PIBF1: variants seen among roughly 807,000 people sequenced by gnomAD.
PIBF1 encodes the protein progesterone-induced-blocking factor 1.
Under a neutral mutation model 112.5 loss-of-function variants are expected in PIBF1, and 90 were observed. The ratio of observed to expected loss-of-function variants is 0.80; its 90% CI spans 0.67 to 0.95. The LOEUF (loss-of-function observed/expected upper bound fraction) is 0.95, where lower values mean the gene tolerates loss of function less well. Among genes scored for constraint, PIBF1 ranks in the 40% least tolerant of loss-of-function variants. PIBF1 has a pLI of 0.00. For synonymous variants in PIBF1, 301 were observed against 288.6 expected (o/e 1.04, Z -0.44); for missense variants, 915 against 852.3 (o/e 1.07, Z -0.92).
At chr13:72,909,971 C>T (rs1212093554) in intron 12 of PIBF1, among the ~76,000 whole-genome samples, 1 of 152,086 alleles carries the variant, frequency 6.6e-6, no homozygotes, top group African/African-American at 2.4e-5. Flanking sequence ...ATGTTTGCTA[C>T]AGTACATTAT....
At chr13:73,014,581 T>A (rs1340646818) in intron 17 of PIBF1, among the ~76,000 whole-genome samples, 1 of 152,184 alleles carries the variant, frequency 6.6e-6, no homozygotes, top group Admixed American at 6.5e-5. Context: ...TGATAATATG[T>A]CAGTGTAGGT....
At chr13:72,911,707 A>T (rs1373787183) in intron 12 of PIBF1, among the ~76,000 whole-genome samples, 1 of 152,204 alleles carries the variant, frequency 6.6e-6, no homozygotes, top group Admixed American at 6.5e-5. Context: ...AAATAACCAC[A>T]ATTTTATATC....
In PIBF1 at chr13:73,016,097, C is replaced by T. The variant is rs1293612701; in HGVS notation, c.*178C>T. ...AAATGTGTAAAGAACAATCAATATACTTTATTTTTTTTTCTATTTTATAAA... is the reference window on the plus strand; with the variant it reads ...AAATGTGTAAAGAACAATCAATATATTTTATTTTTTTTTCTATTTTATAAA... On this transcript the variant is annotated 3_prime_UTR_variant, in exon 18 of 18. Transcript: ENST00000326291. 2 of 281,856 alleles carry T rather than the reference C, an allele frequency of 7.1e-6. No homozygotes were observed. The highest frequency in any genetic ancestry group is 1.3e-5 in the Non-Finnish European group (2 of 154,340). The allele number at this position is 281,856 out of a possible 1,614,324, so 17.5% of individuals were successfully genotyped here. A position where few individuals can be genotyped will look rare whatever the true frequency, so the allele number is the denominator to read the frequency against.
In PIBF1 at chr13:72,985,339, A is replaced by G. The variant is rs554090513; in HGVS notation, c.2049+11664A>G. Among the ~76,000 whole-genome samples the G allele has an allele frequency of 7.7e-3, 1,146 of 149,100 alleles. 13 individuals are homozygous for G. Among genetic ancestry groups the G allele is most frequent in the African/African-American group, 0.027 (1,077 of 40,562 alleles). ...TCAGGAGATCAAGACCATCCTGGCT[A>G]ACACGGTGAAACCCTGTCTCTACTA... On this transcript the variant is annotated intron_variant, in intron 16 of 17. Transcript: ENST00000326291.
rs778846193 is a variant in PIBF1, at chr13:72,826,992, T to C, written c.807-18T>C. On this transcript the variant is annotated intron_variant, in intron 6 of 17. Transcript: ENST00000326291. ...GGGATGTAAAATTTACATGTCTCTT[T>C]GAATTTTATTTTAACAGTGAACGTG... 2.7e-6 allele frequency: 4 copies of C among 1,492,378 alleles called. No individual in the cohort carries two copies. The Admixed American group carries it at 7.7e-5, about 29-fold the overall frequency. The allele number at this position is 1,492,378 out of a possible 1,614,324, so 92.4% of individuals were successfully genotyped here.
chr13:72,942,391 C>G (rs149033130), intron 14 of PIBF1, among the ~76,000 whole-genome samples: 1 of 151,234 alleles, frequency 6.6e-6, no homozygotes, highest in Non-Finnish European at 1.5e-5. Context: ...GACATACTTT[C>G]TTTTAGACTT....
chr13:72,888,484 A>G (rs1228558322), intron 10 of PIBF1, among the ~76,000 whole-genome samples: 3 of 152,120 alleles, frequency 2.0e-5, no homozygotes, highest in Admixed American at 1.3e-4. Context: ...TGACCCAACA[A>G]TTTCACTTCA....
Position 72,854,041 on chromosome 13 carries a change from C to T in PIBF1, c.1224-16C>T, listed in dbSNP as rs2038297392. ...TCACGCATTTGAAATAACTGAAATC[C>T]ATGTTTAAAATTTAGAAATCTCCGA... On this transcript the variant is annotated splice_polypyrimidine_tract_variant and intron_variant, in intron 9 of 17. Coordinates refer to ENST00000326291, the MANE Select transcript of PIBF1 (RefSeq NM_006346.4). 1 of 1,523,442 alleles carries T rather than the reference C, an allele frequency of 6.6e-7. No individual in the cohort carries two copies. The highest frequency in any genetic ancestry group is 9.1e-7 in the Non-Finnish European group (1 of 1,098,462). 94.4% of individuals were successfully genotyped at this position (1,523,442 alleles called of 1,614,324 possible). A position where few individuals can be genotyped will look rare whatever the true frequency, so the allele number is the denominator to read the frequency against.
intron 14 of PIBF1, among the ~76,000 whole-genome samples, chr13:72,944,488 A>G (rs1484908459): frequency 6.6e-6 from 1 of 152,116 alleles, no homozygotes; most frequent in Non-Finnish European, 1.5e-5. Context: ...AGAATAAACA[A>G]TAAAATCAAT....
intron 7 of PIBF1, among the ~76,000 whole-genome samples, 164 bp downstream of exon 7, chr13:72,827,282 C>A (rs1392358866): frequency 7.7e-6 from 1 of 129,284 alleles, no homozygotes; most frequent in African/African-American, 2.8e-5. Context: ...GGAGTCTTTC[C>A]CTGTTGACCA....
chr13:72,854,654 C>T (rs1020815144), intron 10 of PIBF1, among the ~76,000 whole-genome samples: 4 of 152,106 alleles, frequency 2.6e-5, no homozygotes, highest in African/African-American at 9.7e-5. Flanking sequence ...TTGTTACTAT[C>T]GTGAATAAAG....
intron 14 of PIBF1, among the ~76,000 whole-genome samples, chr13:72,935,254 G>A (rs2041835505): frequency 6.6e-6 from 1 of 152,164 alleles, no homozygotes; most frequent in South Asian, 2.1e-4. Context: ...AAAGTGCTGG[G>A]ATTACAGGCG....
chr13:72,881,664 C>T (rs767921768), intron 10 of PIBF1, among the ~76,000 whole-genome samples: 1 of 149,490 alleles, frequency 6.7e-6, no homozygotes, highest in Non-Finnish European at 1.5e-5. Context: ...TGCAGTGAGC[C>T]GAGCTAATGC....
In PIBF1 at chr13:72,897,500, C is replaced by T. The variant is rs1232228115; in HGVS notation, c.1488+3551C>T. ...ACATTAGATGTAAATGGCCTAAATGCTCCACTTAAAAAAGGTGCAGAACTA... is the reference window on the plus strand; with the variant it reads ...ACATTAGATGTAAATGGCCTAAATGTTCCACTTAAAAAAGGTGCAGAACTA... On this transcript the variant is annotated intron_variant, in intron 11 of 17. Transcript: ENST00000326291. 2.6e-5 allele frequency among the ~76,000 whole-genome samples: 4 copies of T among 152,188 alleles called. No individual in the cohort carries two copies. In the South Asian group the frequency reaches 8.3e-4, roughly 31 times the overall value.
chr13:72,944,521 T>C (rs866051809), intron 14 of PIBF1, among the ~76,000 whole-genome samples: 1 of 152,232 alleles, frequency 6.6e-6, no homozygotes, highest in Middle Eastern at 3.4e-3. Context: ...GCAAAATGTT[T>C]AATAATAATT....
At chr13:72,874,753 A>G (rs552380898) in intron 10 of PIBF1, among the ~76,000 whole-genome samples, 72 of 152,338 alleles carry the variant, frequency 4.7e-4, no homozygotes, top group African/African-American at 1.7e-3. Context: ...GGTTTTTTAA[A>G]TGGCTTAAGT....
intron 10 of PIBF1, among the ~76,000 whole-genome samples, chr13:72,871,520 G>A (rs1244584659): frequency 6.6e-6 from 1 of 152,104 alleles, no homozygotes; most frequent in African/African-American, 2.4e-5. Flanking sequence ...TGGCCAGGCT[G>A]GTCTTGAACT....
In PIBF1 at chr13:72,793,920, G is replaced by A. The variant is rs569416681; in HGVS notation, c.353+1373G>A. Among the ~76,000 whole-genome samples the A allele has an allele frequency of 1.8e-4, 28 of 152,286 alleles. No homozygotes were observed. The South Asian group carries it at 3.5e-3, about 19-fold the overall frequency. The stretch of plus-strand genomic sequence containing the variant: ...GTTAGAAATCCATGTGGAGGTATAC[G>A]AAAAGTCTCGTGTAGAGGTACAAAT... On this transcript the variant is annotated intron_variant, in intron 3 of 17. Transcript: ENST00000326291.
intron 17 of PIBF1, among the ~76,000 whole-genome samples, chr13:73,013,731 CAAAAAAAAAAA>C (rs113104076): frequency 0.42 from 47,379 of 113,480 alleles, 8,912 homozygotes; most frequent in African/African-American, 0.56. Context: ...GAGCCTATCT[CAAAAAAAAAAA>C]AAAAAAAAAA....
Sources: allele counts gnomAD v4.1 joint callset (sites outside exome capture counted in the v4.1 genomes callset), GRCh38; gene constraint gnomAD v4.1.1; transcripts MANE v1.5; gene names NCBI Gene and HGNC (gene_info 2026-07-23, HGNC 2026-07-21).